NTRK2: variants seen among roughly 807,000 people sequenced by gnomAD.
The protein encoded by NTRK2 is neurotrophic receptor tyrosine kinase 2.
NTRK2 carries 13 observed loss-of-function variants against 94.5 expected under a neutral mutation model. That is an observed-to-expected ratio of 0.14 (90% CI 0.09 to 0.22). NTRK2 has a LOEUF of 0.22. Among genes scored for constraint, NTRK2 ranks in the 10% least tolerant of loss-of-function variants. The pLI, the probability that NTRK2 is intolerant of heterozygous loss-of-function variation, is 1.00. For synonymous variants in NTRK2, 372 were observed against 407.4 expected, an observed-to-expected ratio of 0.91 and a Z score of 1.05; for missense variants, 639 against 1,071.2, an observed-to-expected ratio of 0.60 and a Z score of 5.63.
chr9:84,984,556 G>C (rs907813042), intron 17 of NTRK2, among the ~76,000 whole-genome samples: 11 of 152,204 alleles, frequency 7.2e-5, no homozygotes, highest in African/African-American at 2.4e-4. Context: ...GGCTTAGGGT[G>C]GAGGTGGAAC....
intron 12 of NTRK2, among the ~76,000 whole-genome samples, chr9:84,776,120 T>G (rs2067008512): frequency 1.3e-5 from 2 of 152,074 alleles, no homozygotes; most frequent in Non-Finnish European, 1.5e-5. Context: ...TACCTGTCTA[T>G]CTATCCAACT....
At chr9:84,766,938 A>T (rs532919151) in intron 12 of NTRK2, among the ~76,000 whole-genome samples, 1 of 152,150 alleles carries the variant, frequency 6.6e-6, no homozygotes, top group African/African-American at 2.4e-5. Context: ...TCATCCCAGA[A>T]TGATGGCTTG....
intron 2 of NTRK2, among the ~76,000 whole-genome samples, chr9:84,688,623 T>C (rs1200284650): frequency 6.6e-6 from 1 of 152,152 alleles, no homozygotes; most frequent in Non-Finnish European, 1.5e-5. Flanking sequence ...CTTTCTCTCT[T>C]CCCCATATGG....
chr9:84,814,120 A>G, intron 12 of NTRK2: 1 of 1,065,442 alleles, frequency 9.4e-7, no homozygotes, highest in South Asian at 4.6e-5. Flanking sequence ...TTTCTGACCC[A>G]CTAGGTTTTC....
chr9:84,956,388 G>T (rs1400184890), intron 17 of NTRK2, among the ~76,000 whole-genome samples: 1 of 152,176 alleles, frequency 6.6e-6, no homozygotes, highest in Non-Finnish European at 1.5e-5. Context: ...TGTTAACTTT[G>T]TTAACTGAGA....
chr9:84,729,592 G>A (rs1024098111), intron 9 of NTRK2, among the ~76,000 whole-genome samples: 6 of 152,174 alleles, frequency 3.9e-5, no homozygotes, highest in African/African-American at 1.2e-4. Context: ...AGTATAGAGC[G>A]TTCACAGCCT....
intron 11 of NTRK2, among the ~76,000 whole-genome samples, chr9:84,749,130 A>G (rs1026472341): frequency 6.6e-6 from 1 of 152,188 alleles, no homozygotes; most frequent in Non-Finnish European, 1.5e-5. Flanking sequence ...AGGGAGGCTG[A>G]GGCAGGAGAA....
intron 14 of NTRK2, among the ~76,000 whole-genome samples, chr9:84,882,290 T>C (rs960803278): frequency 6.6e-6 from 1 of 152,204 alleles, no homozygotes; most frequent in African/African-American, 2.4e-5. Context: ...TCTGCAACTT[T>C]CTCATTTTCC....
chr9:84,864,736 C>CTTTTTTTTTTT (rs71369154), intron 13 of NTRK2, among the ~76,000 whole-genome samples: 1 of 104,586 alleles, frequency 9.6e-6, no homozygotes, highest in Non-Finnish European at 1.8e-5. Context: ...TCTTAATTTT[C>CTTTTTTTTTTT]TTTTTTTTTT....
chr9:84,728,012 C>T, intron 9 of NTRK2, 53 bp downstream of exon 9: 1 of 1,540,180 alleles, frequency 6.5e-7, no homozygotes, highest in Non-Finnish European at 9.0e-7. Context: ...TATCATTCAC[C>T]TGTTGACAAA....
chr9:84,669,787 G>A lies in NTRK2; in HGVS notation c.-474G>A, dbSNP rs186056557. 8.0e-3 allele frequency: 1,217 copies of A among 153,040 alleles called. 8 individuals are homozygous for A. Among genetic ancestry groups the A allele is most frequent in the Middle Eastern group, 0.03 (9 of 296 alleles). 9.5% of individuals were successfully genotyped at this position (153,040 alleles called of 1,614,324 possible). Reference sequence around the variant, plus strand: ...CTCCCGGAATTGGGTTGGAGCAGGAGCCTCGCTGGCTGCTTCGCTCGCGCT... The same window carrying A: ...CTCCCGGAATTGGGTTGGAGCAGGAACCTCGCTGGCTGCTTCGCTCGCGCT... On this transcript the variant is annotated 5_prime_UTR_variant, in exon 1 of 19. Coordinates refer to ENST00000277120, the MANE Select transcript of NTRK2 (RefSeq NM_006180.6). The surrounding 1 kb of genome is among the most constrained non-coding windows in gnomAD (Gnocchi z 4.1).
chr9:84,932,881 C>T (rs1587974446), intron 14 of NTRK2, among the ~76,000 whole-genome samples: 2 of 152,134 alleles, frequency 1.3e-5, no homozygotes, highest in South Asian at 2.1e-4. Context: ...CTCTATTTCT[C>T]TTATAAATTA....
intron 14 of NTRK2, chr9:84,874,551 G>A: frequency 9.4e-7 from 1 of 1,064,678 alleles, no homozygotes; most frequent in Non-Finnish European, 1.1e-6. Flanking sequence ...TTTTTGTTTA[G>A]TTTTTCTTGA....
chr9:84,776,938 T>C (rs965336354), intron 12 of NTRK2, among the ~76,000 whole-genome samples: 3 of 152,208 alleles, frequency 2.0e-5, no homozygotes, highest in African/African-American at 7.2e-5. Context: ...GTACCTTTCT[T>C]TGTGAGATAT....
At chr9:84,844,639 A>C (rs938961936) in intron 12 of NTRK2, among the ~76,000 whole-genome samples, 1 of 130,664 alleles carries the variant, frequency 7.7e-6, no homozygotes, top group African/African-American at 2.9e-5. Flanking sequence ...ACTACAATGT[A>C]ATACCTCACT....
intron 16 of NTRK2, among the ~76,000 whole-genome samples, chr9:84,950,096 A>G (rs2078727981): frequency 6.6e-6 from 1 of 152,240 alleles, no homozygotes; most frequent in African/African-American, 2.4e-5. Flanking sequence ...TTGAGCTGGC[A>G]GAGTAGGCAT....
At chr9:84,961,657 T>C (rs1165029977) in intron 17 of NTRK2, among the ~76,000 whole-genome samples, 1 of 152,186 alleles carries the variant, frequency 6.6e-6, no homozygotes, top group Non-Finnish European at 1.5e-5. Context: ...TACTATGTGC[T>C]AGATGCAATG....
chr9:84,985,495 G>A (rs1165804034), intron 17 of NTRK2, among the ~76,000 whole-genome samples: 2 of 152,178 alleles, frequency 1.3e-5, no homozygotes, highest in African/African-American at 4.8e-5. Context: ...ACAGCCTAAA[G>A]GTCTGTTAAT....
intron 14 of NTRK2, among the ~76,000 whole-genome samples, chr9:84,869,887 A>C (rs991318167): frequency 9.2e-5 from 14 of 152,064 alleles, no homozygotes; most frequent in African/African-American, 3.1e-4. Flanking sequence ...CATGTTTTTA[A>C]CAATATATTA....
Sources: allele counts gnomAD v4.1 joint callset (sites outside exome capture counted in the v4.1 genomes callset), GRCh38; gene constraint gnomAD v4.1.1; non-coding constraint Gnocchi (gnomAD v3.1); transcripts MANE v1.5; gene names NCBI Gene and HGNC (gene_info 2026-07-23, HGNC 2026-07-21).